HSD17B12: variants seen among roughly 807,000 people sequenced by gnomAD.
HSD17B12 encodes the protein hydroxysteroid 17-beta dehydrogenase 12.
HSD17B12 carries 32 observed loss-of-function variants against 39.3 expected under a neutral mutation model. That is an observed-to-expected ratio of 0.81 (90% CI 0.61 to 1.09). The LOEUF is 1.09. HSD17B12 is among the 50% of genes least tolerant of loss of function. The pLI, the probability that HSD17B12 is intolerant of heterozygous loss-of-function variation, is 0.00. For synonymous variants in HSD17B12, 150 were observed against 146.7 expected (o/e 1.02, Z -0.16); for missense variants, 342 against 382.9 (o/e 0.89, Z 0.89).
At chr11:43,788,797 A>G (rs1463619907) in intron 3 of HSD17B12, among the ~76,000 whole-genome samples, 3 of 152,082 alleles carry the variant, frequency 2.0e-5, no homozygotes, top group Non-Finnish European at 4.4e-5. Context: ...TTATAGGACC[A>G]ATTCCATAGG....
intron 6 of HSD17B12, among the ~76,000 whole-genome samples, chr11:43,820,310 T>C (rs1951169311): frequency 6.6e-6 from 1 of 152,208 alleles, no homozygotes; most frequent in Non-Finnish European, 1.5e-5. Flanking sequence ...TATTTTATGA[T>C]GCATGTGTTT....
intron 3 of HSD17B12, among the ~76,000 whole-genome samples, chr11:43,771,008 T>C (rs1950643728): frequency 2.6e-5 from 4 of 152,198 alleles, no homozygotes; most frequent in Admixed American, 2.0e-4. Flanking sequence ...ACTTCGGACA[T>C]AGGAAAATCA....
At chr11:43,741,734 C>CTTTTTTTT (rs534584200) in intron 1 of HSD17B12, among the ~76,000 whole-genome samples, 1 of 130,470 alleles carries the variant, frequency 7.7e-6, no homozygotes, top group African/African-American at 2.8e-5. Flanking sequence ...TTTTCTTTTT[C>CTTTTTTTT]TTTTTTTTTT....
At chr11:43,560,838 G>A in the HSD17B12 span, among the ~76,000 whole-genome samples, 2 of 152,176 alleles carry the variant, frequency 1.3e-5, no homozygotes, top group South Asian at 4.1e-4. Flanking sequence ...CAATCCAGGT[G>A]GGAGGAAGTA....
chr11:43,613,208 A>G, the HSD17B12 span, among the ~76,000 whole-genome samples: 1 of 152,146 alleles, frequency 6.6e-6, no homozygotes, highest in Non-Finnish European at 1.5e-5. Context: ...GTTCAAGACC[A>G]TGGTGAAACC....
chr11:43,635,158 T>G, the HSD17B12 span, among the ~76,000 whole-genome samples: 1 of 152,268 alleles, frequency 6.6e-6, no homozygotes, highest in Non-Finnish European at 1.5e-5. Flanking sequence ...ACTTGTTATA[T>G]TCTTCCTACT....
At chr11:43,663,677 A>G in the HSD17B12 span, among the ~76,000 whole-genome samples, 1 of 152,112 alleles carries the variant, frequency 6.6e-6, no homozygotes, top group Admixed American at 6.5e-5. Flanking sequence ...CATGTTACCA[A>G]CTGAACTGGA....
intron 3 of HSD17B12, among the ~76,000 whole-genome samples, chr11:43,767,705 A>T (rs1950608204): frequency 1.3e-5 from 2 of 152,220 alleles, no homozygotes; most frequent in African/African-American, 4.8e-5. Context: ...GAATTTTCAC[A>T]TATTTGAATT....
the HSD17B12 span, among the ~76,000 whole-genome samples, chr11:43,624,245 G>A: frequency 6.6e-6 from 1 of 151,898 alleles, no homozygotes; most frequent in Non-Finnish European, 1.5e-5. Flanking sequence ...AATGAAATGT[G>A]TATAATTTGA....
At chr11:43,765,608 C>T (rs1200795652) in intron 3 of HSD17B12, among the ~76,000 whole-genome samples, 4 of 151,878 alleles carry the variant, frequency 2.6e-5, no homozygotes, top group South Asian at 2.1e-4. Context: ...ACTTTAGTTA[C>T]GTATATATTA....
chr11:43,590,637 A>G, the HSD17B12 span, among the ~76,000 whole-genome samples: 2 of 149,692 alleles, frequency 1.3e-5, no homozygotes, highest in Non-Finnish European at 3.0e-5. Flanking sequence ...TAGCCTCCTG[A>G]GTAGCTGGGA....
chr11:43,743,133 T>C (rs1008790056), intron 1 of HSD17B12, among the ~76,000 whole-genome samples: 1 of 152,234 alleles, frequency 6.6e-6, no homozygotes, highest in Non-Finnish European at 1.5e-5. Flanking sequence ...AAAATGTTCT[T>C]GCTGGGCATA....
At chr11:43,768,943 T>C (rs1291020755) in intron 3 of HSD17B12, among the ~76,000 whole-genome samples, 12 of 152,216 alleles carry the variant, frequency 7.9e-5, no homozygotes, top group Admixed American at 7.2e-4. Flanking sequence ...CACAGACTGC[T>C]GACTGATACA....
At chr11:43,702,219 A>G (rs1220462995) in intron 1 of HSD17B12, among the ~76,000 whole-genome samples, 1 of 152,174 alleles carries the variant, frequency 6.6e-6, no homozygotes, top group East Asian at 1.9e-4. Context: ...TAATATTAAT[A>G]GTTTTCTCAT....
At chr11:43,854,948 A>T in intron 10 of HSD17B12, 84 bp downstream of exon 10, 1 of 1,348,124 alleles carries the variant, frequency 7.4e-7, no homozygotes, top group African/African-American at 1.5e-5. Flanking sequence ...TATGTAATAG[A>T]TTAGCACATA....
Position 43,757,644 on chromosome 11 carries a change from A to AC in HSD17B12, c.283+3523_283+3524insC, listed in dbSNP as rs1315343087. ...GACAGAGCGAGACTCCGTCTCAAAA[A>AC]AAAAAAAAAAAAAAAAAAAAAAACA... On this transcript the variant is annotated intron_variant, in intron 3 of 10. Transcript: ENST00000278353. Among the ~76,000 whole-genome samples, 133 of 137,000 alleles carry AC rather than the reference A, an allele frequency of 9.7e-4. 4 individuals carry two copies. Among genetic ancestry groups the AC allele is most frequent in the African/African-American group, 3.6e-3 (125 of 34,880 alleles). The allele number at this position is 137,000 out of a possible 152,430, so 89.9% of individuals were successfully genotyped here.
chr11:43,759,868 C>T lies in HSD17B12; in HGVS notation c.283+5747C>T, dbSNP rs535918959. 1.8e-4 allele frequency among the ~76,000 whole-genome samples: 27 copies of T among 151,994 alleles called. 1 individual carries two copies. The South Asian group carries it at 5.6e-3, about 32-fold the overall frequency. ...TCAGCCTCCCAGGTAGCTGGGACTACAGGCTTGTACCACCACACTTGGCTG... is the reference window on the plus strand; with the variant it reads ...TCAGCCTCCCAGGTAGCTGGGACTATAGGCTTGTACCACCACACTTGGCTG... On this transcript the variant is annotated intron_variant, in intron 3 of 10. Transcript: ENST00000278353.
chr11:43,604,193 GA>G, the HSD17B12 span, among the ~76,000 whole-genome samples: 5 of 152,016 alleles, frequency 3.3e-5, no homozygotes, highest in African/African-American at 4.8e-5. Context: ...ACATAATTAT[GA>G]ATATTCAATA....
intron 1 of HSD17B12, among the ~76,000 whole-genome samples, chr11:43,708,753 C>T (rs1276983508): frequency 1.3e-5 from 2 of 152,202 alleles, no homozygotes; most frequent in Non-Finnish European, 2.9e-5. Flanking sequence ...TTTATTTATA[C>T]TTCATAGATC....
Sources: allele counts gnomAD v4.1 joint callset (sites outside exome capture counted in the v4.1 genomes callset), GRCh38; gene constraint gnomAD v4.1.1; transcripts MANE v1.5; gene names NCBI Gene and HGNC (gene_info 2026-07-23, HGNC 2026-07-21).